The following RAN variants were observed in gnomAD, a reference collection of about 807,000 sequenced individuals.
The protein encoded by RAN is RAN, member RAS oncogene family, also known as GTP-binding nuclear protein Ran.
RAN carries 2 observed loss-of-function variants against 26.8 expected under a neutral mutation model. The observed-to-expected ratio is 0.07, with a 90% CI of 0.03 to 0.23. The LOEUF is 0.23. Ranked by LOEUF, RAN falls within the 10% of genes least tolerant of loss-of-function variation. The pLI, the probability that RAN is intolerant of heterozygous loss-of-function variation, is 1.00. For synonymous variants in RAN, 132 were observed against 95.9 expected (o/e 1.38, Z -2.20); for missense variants, 56 against 264.8 (o/e 0.21, Z 5.47).
At position 130,875,920 on chromosome 12, in the gene RAN, C is replaced by T. The variant is rs1399844245; in HGVS notation, c.645C>T (p.Asp215=). The T allele has an allele frequency of 1.2e-6, 2 of 1,614,100 alleles. No homozygotes were observed. The highest frequency in any genetic ancestry group is 1.7e-6 in the Non-Finnish European group (2 of 1,179,990). Residue 215 remains aspartate, a synonymous_variant, in exon 7 of 7, where the codon GAC becomes GAT. Coordinates refer to ENST00000543796, the MANE Select transcript of RAN (RefSeq NM_006325.5). The part of the protein sequence containing the change: ...QTTALPDEDD[D]L ...CTGCTCTCCCGGATGAGGATGATGA[C>T]CTGTGAGAATGAAGCTGGAGCCCAG...
Position 130,875,613 on chromosome 12 carries a change from A to G in RAN, c.437A>G (p.Tyr146Cys). 1 of 1,601,036 alleles carries G rather than the reference A, an allele frequency of 6.2e-7. No homozygotes were observed. The highest frequency in any genetic ancestry group is 8.5e-7 in the Non-Finnish European group (1 of 1,174,984). ...TAATTTTACCTTTCTTTTAAACAGT[A>G]CTACGACATTTCTGCCAAAAGTAAC... is the stretch of plus-strand genomic sequence containing the variant. ...IVFHRKKNLQ[Y>C]YDISAKSNYN... Residue 146 changes from tyrosine (Y) to cysteine (C), a missense_variant and splice_region_variant, in exon 6 of 7, where the codon TAC becomes TGC. Physicochemically the swap from Tyr to Cys is radical, Grantham distance 194. This residue lies in a region of RAN where 39 missense variants were observed against 248.7 expected (regional missense o/e 0.16). Coordinates refer to ENST00000543796, the MANE Select transcript of RAN (RefSeq NM_006325.5).
chr12:130,873,684 C>T (rs1031637216), intron 4 of RAN: 1 of 158,852 alleles, frequency 6.3e-6, no homozygotes, highest in African/African-American at 2.4e-5. Flanking sequence ...TCTCTTGGAA[C>T]CTCACGTTGC....
chr12:130,877,654 A>G lies in RAN; in HGVS notation c.*1728A>G, dbSNP rs1953273888. Reference sequence around the variant, plus strand: ...TTATTGAAAGAATAATTGTTGCAAAATATATTGCTTCTACTTTGCCTGGAT... The same window carrying G: ...TTATTGAAAGAATAATTGTTGCAAAGTATATTGCTTCTACTTTGCCTGGAT... On this transcript the variant is annotated 3_prime_UTR_variant, in exon 7 of 7. Coordinates refer to ENST00000543796, the MANE Select transcript of RAN (RefSeq NM_006325.5). 6.6e-6 allele frequency: 1 copy of G among 152,190 alleles called. No homozygotes were observed. The highest frequency in any genetic ancestry group is 1.5e-5 in the Non-Finnish European group (1 of 68,050). The allele number at this position is 152,190 out of a possible 1,614,324, so 9.4% of individuals were successfully genotyped here.
At position 130,873,245 on chromosome 12, in the gene RAN, A is replaced by G. The variant is rs186438276; in HGVS notation, c.247+117A>G. Reference sequence around the variant, plus strand: ...AGTGTCATTTTTGGGTTAAAAAAAGACAAGTGGACTTCGGGGAGTTGACCA... The same window carrying G: ...AGTGTCATTTTTGGGTTAAAAAAAGGCAAGTGGACTTCGGGGAGTTGACCA... On this transcript the variant is annotated intron_variant, in intron 4 of 6. Transcript: ENST00000543796. 7 of 1,405,146 alleles carry G rather than the reference A, an allele frequency of 5.0e-6. No homozygotes were observed. In the East Asian group the frequency reaches 1.4e-4, roughly 28 times the overall value. The allele number at this position is 1,405,146 out of a possible 1,614,324, so 87.0% of individuals were successfully genotyped here.
At chr12:130,873,346 A>G (rs890769293) in intron 4 of RAN, 1 of 534,696 alleles carries the variant, frequency 1.9e-6, no homozygotes, top group Non-Finnish European at 3.3e-6. Flanking sequence ...TGCTTTAGAA[A>G]AAACTATGAC....
rs776010425 is a variant in RAN, at chr12:130,873,109, A to G, written c.228A>G (p.Arg76=). Reference sequence around the variant, plus strand: ...GCCAGGAGAAATTCGGTGGACTGAGAGATGGCTATTATATCCAAGGTAGGC... The same window carrying G: ...GCCAGGAGAAATTCGGTGGACTGAGGGATGGCTATTATATCCAAGGTAGGC... ...TAGQEKFGGL[R]DGYYIQAQCA... Residue 76 remains arginine (R), a synonymous_variant, in exon 4 of 7, where the codon AGA becomes AGG. Transcript: ENST00000543796. The G allele has an allele frequency of 6.2e-7, 1 of 1,614,104 alleles. No individual in the cohort carries two copies. Among genetic ancestry groups the G allele is most frequent in the Non-Finnish European group, 8.5e-7 (1 of 1,180,044 alleles).
chr12:130,877,596 C>CT lies in RAN; in HGVS notation c.*1671dup, dbSNP rs1312456913. 1.3e-5 allele frequency: 2 copies of CT among 152,180 alleles called. No individual in the cohort carries two copies. Among genetic ancestry groups the CT allele is most frequent in the African/African-American group, 4.8e-5 (2 of 41,434 alleles). The allele number at this position is 152,180 out of a possible 1,614,324, so 9.4% of individuals were successfully genotyped here. Reference sequence around the variant, plus strand: ...TTTGGAAGTGACGTCACTTACCTGTCTAACGTGGTGTGGGAGAGAATTTAC... The same window carrying CT: ...TTTGGAAGTGACGTCACTTACCTGTCTTAACGTGGTGTGGGAGAGAATTTAC... On this transcript the variant is annotated 3_prime_UTR_variant, in exon 7 of 7. Transcript: ENST00000543796.
intron 2 of RAN, 28 bp from the exon 3 acceptor site, chr12:130,872,808 T>G: frequency 6.2e-7 from 1 of 1,612,220 alleles, no homozygotes; most frequent in Middle Eastern, 1.7e-4. Flanking sequence ...GTGTTTAGGG[T>G]TTACTTCCAA....
rs991673516 is a variant in RAN, at chr12:130,877,100, A to G, written c.*1174A>G. On this transcript the variant is annotated 3_prime_UTR_variant, in exon 7 of 7. Transcript: ENST00000543796. ...TTAATTTATCTTGCATATTTTCCAC[A>G]TTTAAAAATGAATTAGGTCTATTAG... 2 of 150,690 alleles carry G rather than the reference A, an allele frequency of 1.3e-5. No individual in the cohort carries two copies. The highest frequency in any genetic ancestry group is 1.9e-4 in the East Asian group (1 of 5,130). 9.3% of individuals were successfully genotyped at this position (150,690 alleles called of 1,614,324 possible). A position where few individuals can be genotyped will look rare whatever the true frequency, so the allele number is the denominator to read the frequency against.
chr12:130,875,047 A>G (rs947918687), intron 5 of RAN, among the ~76,000 whole-genome samples: 6 of 152,098 alleles, frequency 3.9e-5, no homozygotes, highest in African/African-American at 1.4e-4. Flanking sequence ...GCTGATCTCC[A>G]ACTCCTGACC....
intron 6 of RAN, 41 bp downstream of exon 6, chr12:130,875,823 T>C (rs979190103): frequency 1.2e-6 from 2 of 1,614,006 alleles, no homozygotes; most frequent in Non-Finnish European, 1.7e-6. Flanking sequence ...TCGGTTTGGC[T>C]TGTTTATTCC....
At chr12:130,874,019 T>C (rs889709985) in intron 4 of RAN, 2 of 385,254 alleles carry the variant, frequency 5.2e-6, no homozygotes, top group Non-Finnish European at 1.1e-5. Context: ...GACTAATTTT[T>C]GTATTTTTTT....
chr12:130,874,994 C>CT (rs1007020047), intron 5 of RAN, among the ~76,000 whole-genome samples: 3 of 151,840 alleles, frequency 2.0e-5, no homozygotes, highest in Non-Finnish European at 2.9e-5. Context: ...AATTTTTGTA[C>CT]TTTTTTTTCT....
chr12:130,873,641 G>T (rs930879059), intron 4 of RAN: 4 of 160,818 alleles, frequency 2.5e-5, no homozygotes, highest in African/African-American at 4.8e-5. Context: ...AATGTTCATT[G>T]TACCAAAAAG....
At chr12:130,874,074 CAT>C (rs1953192793) in intron 4 of RAN, 2 of 350,400 alleles carry the variant, frequency 5.7e-6, no homozygotes, top group Non-Finnish European at 1.2e-5. Context: ...GTCTGGAACT[CAT>C]GAGCTCAGGT....
At chr12:130,875,250 C>A (rs958064018) in intron 5 of RAN, among the ~76,000 whole-genome samples, 5 of 152,220 alleles carry the variant, frequency 3.3e-5, no homozygotes, top group Non-Finnish European at 7.3e-5. Context: ...GAGACAGGGT[C>A]TTGCTCTGTT....
At chr12:130,873,195 G>C in intron 4 of RAN, 67 bp downstream of exon 4, 2 of 1,599,922 alleles carry the variant, frequency 1.3e-6, no homozygotes, top group African/African-American at 2.7e-5. Flanking sequence ...CAAGGTTATA[G>C]AAAATCAGGT....
In RAN at chr12:130,876,490, A is replaced by AG. The variant is rs1953243416; in HGVS notation, c.*567dup. On this transcript the variant is annotated 3_prime_UTR_variant, in exon 7 of 7. Coordinates refer to ENST00000543796, the MANE Select transcript of RAN (RefSeq NM_006325.5). ...GTCAGCAGTATTCTATTTGGTTAGAAGGGTTACATGGTGTAAATATTAGTG... is the reference window on the plus strand; with the variant it reads ...GTCAGCAGTATTCTATTTGGTTAGAAGGGGTTACATGGTGTAAATATTAGTG... 1 of 156,536 alleles carries AG rather than the reference A, an allele frequency of 6.4e-6. No individual in the cohort carries two copies. The highest frequency in any genetic ancestry group is 1.4e-5 in the Non-Finnish European group (1 of 70,980). 9.7% of individuals were successfully genotyped at this position (156,536 alleles called of 1,614,324 possible).
rs978562696 is a variant in RAN at position 130,876,792 on chromosome 12, A to G, written c.*866A>G. On this transcript the variant is annotated 3_prime_UTR_variant, in exon 7 of 7. Coordinates refer to ENST00000543796, the MANE Select transcript of RAN (RefSeq NM_006325.5). ...TTGCACTTTTTTGTTTGAATGTTAG[A>G]TGCTTAGTGTGAAGTTGATACGCAA... 1.3e-5 allele frequency: 2 copies of G among 152,210 alleles called. No individual in the cohort carries two copies. The highest frequency in any genetic ancestry group is 2.9e-5 in the Non-Finnish European group (2 of 68,038). 9.4% of individuals were successfully genotyped at this position (152,210 alleles called of 1,614,324 possible).
Sources: gnomAD v4.1 joint callset for allele counts (sites outside exome capture counted in the v4.1 genomes callset) on GRCh38, gnomAD v4.1.1 for gene constraint, gnomAD v4.1.1 regional missense constraint, MANE v1.5 for transcripts, NCBI Gene and HGNC (gene_info 2026-07-23, HGNC 2026-07-21) for gene names.